The following ARHGAP42 variants were observed in gnomAD, a reference collection of about 807,000 sequenced individuals.
ARHGAP42 encodes rho GTPase-activating protein 42.
A neutral mutation model predicts 125.0 loss-of-function variants in ARHGAP42; 63 were observed. The ratio of observed to expected loss-of-function variants is 0.50; its 90% CI spans 0.41 to 0.62. The LOEUF (loss-of-function observed/expected upper bound fraction) is 0.62. Among genes scored for constraint, ARHGAP42 ranks in the 20% least tolerant of loss-of-function variants. The pLI, the probability that ARHGAP42 is intolerant of heterozygous loss-of-function variation, is 0.00. For synonymous variants in ARHGAP42, 339 were observed against 351.0 expected, an observed-to-expected ratio of 0.97 and a Z score of 0.38; for missense variants, 766 against 1,024.2, an observed-to-expected ratio of 0.75 and a Z score of 3.44.
chr11:100,810,486 C>A (rs1411847843), intron 3 of ARHGAP42, among the ~76,000 whole-genome samples: 1 of 152,138 alleles, frequency 6.6e-6, no homozygotes, highest in East Asian at 1.9e-4. Context: ...TTCTGCCAAA[C>A]CTTTGTATCT....
intron 10 of ARHGAP42, among the ~76,000 whole-genome samples, chr11:100,945,082 G>A (rs749724456): frequency 1.1e-4 from 16 of 151,978 alleles, no homozygotes; most frequent in Non-Finnish European, 2.4e-4. Context: ...TTCTAAATCC[G>A]TTGTTGTCAT....
chr11:100,962,606 G>A, intron 16 of ARHGAP42, 139 bp downstream of exon 16: 2 of 763,364 alleles, frequency 2.6e-6, no homozygotes, highest in South Asian at 4.1e-5. Context: ...GCCGGGTGCG[G>A]TGGCTCAAAC....
rs1195841097 is a variant in ARHGAP42, at chr11:100,730,889, G to A, written c.155-39454G>A. Among the ~76,000 whole-genome samples, 3 of 152,062 alleles carry A rather than the reference G, an allele frequency of 2.0e-5. No individual in the cohort carries two copies. The East Asian group carries it at 5.8e-4, about 29-fold the overall frequency. On this transcript the variant is annotated intron_variant, in intron 1 of 23. Transcript: ENST00000298815. ...ATATGGTAGATGGCTGTAACACAAT[G>A]GTAAAAATTTGTGTATCTAAATATA...
chr11:100,895,487 GA>G, intron 4 of ARHGAP42, among the ~76,000 whole-genome samples: 1 of 146,666 alleles, frequency 6.8e-6, no homozygotes, highest in Non-Finnish European at 1.5e-5. Flanking sequence ...TCTTATAAAA[GA>G]GCAACTTTTT....
chr11:100,972,629 G>A (rs904279782), intron 17 of ARHGAP42, among the ~76,000 whole-genome samples: 1 of 152,142 alleles, frequency 6.6e-6, no homozygotes, highest in African/African-American at 2.4e-5. Context: ...TTGCAGTCAG[G>A]AGACCTGAAT....
chr11:100,702,671 CTTTT>C (rs200179100), intron 1 of ARHGAP42, among the ~76,000 whole-genome samples: 9 of 133,840 alleles, frequency 6.7e-5, no homozygotes, highest in Admixed American at 7.5e-5. Context: ...TATTTGTGTT[CTTTT>C]TTTTTTTTTT....
Position 100,962,319 on chromosome 11 carries a change from C to T in ARHGAP42, c.1386-90C>T, listed in dbSNP as rs1857976096. The T allele has an allele frequency of 3.4e-5, 33 of 970,660 alleles. No homozygotes were observed. In the South Asian group the frequency reaches 5.5e-4, roughly 16 times the overall value. The allele number at this position is 970,660 out of a possible 1,614,324, so 60.1% of individuals were successfully genotyped here. A position where few individuals can be genotyped will look rare whatever the true frequency, so the allele number is the denominator to read the frequency against. On this transcript the variant is annotated intron_variant, in intron 15 of 23. Coordinates refer to ENST00000298815, the MANE Select transcript of ARHGAP42 (RefSeq NM_152432.4). ...TATTTTATTTTTAATTGATGAATAACAGTCACCTAATTCTTAAAGAAACAC... is the reference window on the plus strand; with the variant it reads ...TATTTTATTTTTAATTGATGAATAATAGTCACCTAATTCTTAAAGAAACAC...
intron 4 of ARHGAP42, among the ~76,000 whole-genome samples, chr11:100,902,676 A>G (rs1179495799): frequency 6.6e-6 from 1 of 151,964 alleles, no homozygotes; most frequent in African/African-American, 2.4e-5. Context: ...TCATGTGCTC[A>G]AGGCCTGGTT....
chr11:100,987,047 T>C (rs1461305078), intron 22 of ARHGAP42, among the ~76,000 whole-genome samples: 2 of 152,122 alleles, frequency 1.3e-5, no homozygotes, highest in Non-Finnish European at 2.9e-5. Context: ...ATTTTTCCTA[T>C]ATCACGCCCA....
intron 17 of ARHGAP42, among the ~76,000 whole-genome samples, chr11:100,966,904 G>A (rs1427381936): frequency 6.6e-6 from 1 of 152,066 alleles, no homozygotes. Flanking sequence ...ATTTTAATGA[G>A]TACCATGGTT....
intron 1 of ARHGAP42, among the ~76,000 whole-genome samples, chr11:100,714,149 T>C (rs985171297): frequency 9.9e-5 from 15 of 152,192 alleles, no homozygotes; most frequent in African/African-American, 2.9e-4. Flanking sequence ...ATTTCTGAAA[T>C]CCTGTTTTTG....
chr11:100,774,599 T>C (rs1162935206), intron 2 of ARHGAP42, among the ~76,000 whole-genome samples: 5 of 152,196 alleles, frequency 3.3e-5, no homozygotes, highest in African/African-American at 1.2e-4. Flanking sequence ...GCAGGCTTTC[T>C]GTGTGTAAGT....
intron 1 of ARHGAP42, among the ~76,000 whole-genome samples, chr11:100,734,383 G>A (rs1277089894): frequency 2.6e-5 from 4 of 151,922 alleles, no homozygotes; most frequent in Admixed American, 2.0e-4. Context: ...GGGTTCAAGC[G>A]ATTCTTCTAC....
chr11:100,843,735 C>G (rs1864994339), intron 3 of ARHGAP42, among the ~76,000 whole-genome samples: 2 of 151,960 alleles, frequency 1.3e-5, no homozygotes, highest in Admixed American at 6.6e-5. Flanking sequence ...AGGAATATAT[C>G]TAACCAAGGA....
rs1251459403 is a variant in ARHGAP42, at chr11:100,948,472, G to A, written c.1059G>A (p.Thr353=). The part of the protein sequence containing the change: ...IEVVERHGII[T]LQAFSEANRK... ...TTTTAAATAGGCATGGGATCATCAC[G>A]TTACAGGCCTTCTCAGAAGCTAATA... Residue 353 remains threonine, a synonymous_variant, in exon 11 of 24, where the codon ACG becomes ACA. Transcript: ENST00000298815. The A allele has an allele frequency of 7.1e-6, 11 of 1,548,916 alleles. No individual in the cohort carries two copies. Among genetic ancestry groups the A allele is most frequent in the East Asian group, 2.4e-5 (1 of 40,866 alleles).
chr11:100,807,059 G>A (rs1164636496), intron 3 of ARHGAP42, among the ~76,000 whole-genome samples: 1 of 152,078 alleles, frequency 6.6e-6, no homozygotes, highest in Non-Finnish European at 1.5e-5. Context: ...TGTTGGCCAG[G>A]CTGGTCTCGA....
chr11:100,719,000 T>C (rs928509330), intron 1 of ARHGAP42, among the ~76,000 whole-genome samples: 6 of 152,212 alleles, frequency 3.9e-5, no homozygotes, highest in Non-Finnish European at 8.8e-5. Flanking sequence ...TACCTCATGA[T>C]TTATGTACCT....
chr11:100,871,837 A>G (rs683095), intron 4 of ARHGAP42, among the ~76,000 whole-genome samples: 77,352 of 152,008 alleles, frequency 0.51, 19,848 homozygotes, highest in East Asian at 0.53. Flanking sequence ...TCTGCCTACC[A>G]GGTTCAAGCA....
intron 3 of ARHGAP42, among the ~76,000 whole-genome samples, chr11:100,845,946 C>T (rs1382831541): frequency 3.9e-5 from 6 of 152,158 alleles, no homozygotes; most frequent in Non-Finnish European, 7.4e-5. Context: ...CAGGCCATTG[C>T]TTATTTATTT....
Sources: gnomAD v4.1 joint callset for allele counts (sites outside exome capture counted in the v4.1 genomes callset) on GRCh38, gnomAD v4.1.1 for gene constraint, MANE v1.5 for transcripts, NCBI Gene and HGNC (gene_info 2026-07-23, HGNC 2026-07-21) for gene names.